The following MYO5C variants were observed in gnomAD, a reference collection of about 807,000 sequenced individuals.
The protein encoded by MYO5C is myosin VC.
Under a neutral mutation model 235.7 loss-of-function variants are expected in MYO5C, and 194 were observed. The observed-to-expected ratio is 0.82, with a 90% confidence interval of 0.73 to 0.93. MYO5C has a LOEUF of 0.93. MYO5C is among the 40% of genes least tolerant of loss of function. The pLI is 0.00. For missense variants in MYO5C, 2,038 were observed against 2,127.2 expected, an observed-to-expected ratio of 0.96 and a Z score of 0.82; for synonymous variants, 707 against 754.8, an observed-to-expected ratio of 0.94 and a Z score of 1.04.
At chr15:52,199,564 G>C (rs888049991) in intron 38 of MYO5C, among the ~76,000 whole-genome samples, 11 of 106,578 alleles carry the variant, frequency 1.0e-4, no homozygotes, top group African/African-American at 3.1e-4. Flanking sequence ...GCCACAGGTT[G>C]AAACTCAGAG....
chr15:52,225,184 T>C, intron 26 of MYO5C, 46 bp from the exon 27 acceptor site: 1 of 1,602,692 alleles, frequency 6.2e-7, no homozygotes, highest in Non-Finnish European at 8.5e-7. Context: ...TGTGGATGAT[T>C]TATCTTTTCC....
chr15:52,206,260 G>T (rs4776018), intron 36 of MYO5C, among the ~76,000 whole-genome samples: 3,481 of 152,294 alleles, frequency 0.023, 60 homozygotes, highest in Middle Eastern at 0.051. Flanking sequence ...ATAGGAAAAT[G>T]AAACAAAACT....
chr15:52,218,777 A>T, intron 31 of MYO5C, 90 bp from the exon 32 acceptor site: 1 of 1,368,218 alleles, frequency 7.3e-7, no homozygotes, highest in South Asian at 1.3e-5. Context: ...ATTTCCAAAG[A>T]TGGAAGAACA....
In MYO5C at chr15:52,229,296, A is replaced by G. The variant is rs763647793; in HGVS notation, c.3044T>C (p.Phe1015Ser). 1.2e-6 allele frequency: 2 copies of G among 1,613,576 alleles called. No individual in the cohort carries two copies. Among genetic ancestry groups the G allele is most frequent in the Non-Finnish European group, 1.7e-6 (2 of 1,179,954 alleles). Residue 1015 changes from phenylalanine (F) to serine (S), a missense_variant, in exon 25 of 41, where the codon TTT (phenylalanine) becomes TCT (serine). Transcript: ENST00000261839. ...CTCATAGTCTTGTGTTTTCAGTTCAAAACTTTTTTCAAGAAGCCTACGCAG... is the reference window on the plus strand; with the variant it reads ...CTCATAGTCTTGTGTTTTCAGTTCAGAACTTTTTTCAAGAAGCCTACGCAG... ...ERQRMLLEKS[F>S]ELKTQDYEKQ...
chr15:52,197,449 A>G (rs2035077123), intron 38 of MYO5C, among the ~76,000 whole-genome samples: 1 of 152,230 alleles, frequency 6.6e-6, no homozygotes, highest in African/African-American at 2.4e-5. Flanking sequence ...CTGTAGAGAA[A>G]GAAAACATAT....
At position 52,291,838 on chromosome 15, in the gene MYO5C, A is replaced by G. The variant is rs566734348; in HGVS notation, c.27+3772T>C. Among the ~76,000 whole-genome samples the G allele has an allele frequency of 1.3e-3, 177 of 134,316 alleles. 1 individual carries two copies. Among genetic ancestry groups the G allele is most frequent in the African/African-American group, 4.6e-3 (168 of 36,578 alleles). The allele number at this position is 134,316 out of a possible 152,430, so 88.1% of individuals were successfully genotyped here. On this transcript the variant is annotated intron_variant, in intron 1 of 40. Coordinates refer to ENST00000261839, the MANE Select transcript of MYO5C (RefSeq NM_018728.4). The stretch of plus-strand genomic sequence containing the variant: ...ACTGCAAGCTTCGCCTCCCGGGTTC[A>G]CGCCATTCTCCTGCCTCAGCCTCCT...
At chr15:52,228,713 C>G (rs550682518) in intron 25 of MYO5C, among the ~76,000 whole-genome samples, 4 of 152,184 alleles carry the variant, frequency 2.6e-5, no homozygotes, top group Non-Finnish European at 4.4e-5. Context: ...ATTCACCACA[C>G]TGTGCATTGG....
chr15:52,202,573 AGCAAAG>A (rs548683531), intron 38 of MYO5C, among the ~76,000 whole-genome samples: 1 of 152,330 alleles, frequency 6.6e-6, no homozygotes, highest in South Asian at 2.1e-4. Flanking sequence ...AACTGAGTTT[AGCAAAG>A]GCTCTGATGT....
intron 36 of MYO5C, among the ~76,000 whole-genome samples, chr15:52,207,688 C>T (rs2035351322): frequency 6.6e-6 from 1 of 151,974 alleles, no homozygotes; most frequent in African/African-American, 2.4e-5. Flanking sequence ...TTAAGCATAT[C>T]AAAATTCAAA....
chr15:52,203,386 C>T (rs548146825), intron 38 of MYO5C, among the ~76,000 whole-genome samples: 4 of 152,172 alleles, frequency 2.6e-5, no homozygotes, highest in South Asian at 4.1e-4. Context: ...CTTGCTCTGT[C>T]GCCCAGGTTG....
chr15:52,223,707 A>T lies in MYO5C; in HGVS notation c.3464T>A (p.Phe1155Tyr). 1 of 1,614,024 alleles carries T rather than the reference A, an allele frequency of 6.2e-7. No individual in the cohort carries two copies. Among genetic ancestry groups the T allele is most frequent in the Admixed American group, 1.7e-5 (1 of 59,996 alleles). The change falls in exon 29 of 41, where the codon TTC (phenylalanine) becomes TAC (tyrosine). Residue 1155 changes from phenylalanine (F) to tyrosine (Y), a missense_variant. Phe to Tyr is a conservative substitution (Grantham distance 22, BLOSUM62 3). Transcript: ENST00000261839. ...TTCATAGCAATCCTTCTGAGACTGG[A>T]AATGGCTCTCCAAAACACTATTAAA... The part of the protein sequence containing the change: ...KKATRVLESH[F>Y]QSQKDCYEKE...
At chr15:52,268,875 C>G (rs1445706598) in intron 8 of MYO5C, among the ~76,000 whole-genome samples, 1 of 152,248 alleles carries the variant, frequency 6.6e-6, no homozygotes, top group Non-Finnish European at 1.5e-5. Flanking sequence ...GCCAGTTCCA[C>G]TCTGAATCAG....
chr15:52,212,363 G>A (rs924179055), intron 34 of MYO5C, among the ~76,000 whole-genome samples: 1 of 152,122 alleles, frequency 6.6e-6, no homozygotes, highest in Admixed American at 6.5e-5. Context: ...GGGGATGAAG[G>A]GGAGAGAGAA....
chr15:52,199,563 T>G (rs12902605), intron 38 of MYO5C, among the ~76,000 whole-genome samples: 1 of 151,964 alleles, frequency 6.6e-6, no homozygotes, highest in African/African-American at 2.4e-5. Flanking sequence ...CGCCACAGGT[T>G]GAAACTCAGA....
chr15:52,238,640 CTTTTT>C (rs1379090627), intron 21 of MYO5C, among the ~76,000 whole-genome samples: 1 of 152,122 alleles, frequency 6.6e-6, no homozygotes. Flanking sequence ...CTTTTCTTTT[CTTTTT>C]TGCCTGTTTT....
chr15:52,245,908 C>T (rs747631941), intron 17 of MYO5C, 48 bp downstream of exon 17: 1 of 1,538,926 alleles, frequency 6.5e-7, no homozygotes. Context: ...CTCAGCATAG[C>T]TCTGATGTCA....
intron 13 of MYO5C, chr15:52,251,105 T>C (rs2036463816): frequency 9.2e-6 from 2 of 217,934 alleles, no homozygotes; most frequent in African/African-American, 4.5e-5. Context: ...TATCACAATT[T>C]CATATAGAAA....
In MYO5C at chr15:52,275,720, T is replaced by C. The variant is rs748706397; in HGVS notation, c.450-2A>G. 5.6e-6 allele frequency: 9 copies of C among 1,614,040 alleles called. No homozygotes were observed. The South Asian group carries it at 9.9e-5, about 18-fold the overall frequency. Reference sequence around the variant, plus strand: ...ATTATGGACTGGTTTCTGTTGTTTCTAAAGCAAATAAAAGTTTTCAAATAT... The same window carrying C: ...ATTATGGACTGGTTTCTGTTGTTTCCAAAGCAAATAAAAGTTTTCAAATAT... On this transcript the variant is annotated splice_acceptor_variant, in intron 4 of 40. Coordinates refer to ENST00000261839, the MANE Select transcript of MYO5C (RefSeq NM_018728.4). LOFTEE classifies it high-confidence loss of function.
At chr15:52,246,637 C>T (rs1468487913) in intron 16 of MYO5C, among the ~76,000 whole-genome samples, 1 of 152,200 alleles carries the variant, frequency 6.6e-6, no homozygotes, top group Non-Finnish European at 1.5e-5. Flanking sequence ...TACAAACACA[C>T]ATACTCATTC....
Sources: gnomAD v4.1 joint callset for allele counts (sites outside exome capture counted in the v4.1 genomes callset) on GRCh38, gnomAD v4.1.1 for gene constraint, MANE v1.5 for transcripts, NCBI Gene and HGNC (gene_info 2026-07-23, HGNC 2026-07-21) for gene names.